The following HELQ variants were observed in gnomAD, a reference collection of about 807,000 sequenced individuals.
HELQ encodes helicase, POLQ like, also known as helicase POLQ-like.
In HELQ, 77 loss-of-function variants were observed where a neutral mutation model predicts 111.6. The observed-to-expected ratio is 0.69, with a 90% CI of 0.57 to 0.83. The LOEUF is 0.83. Ranked by LOEUF, HELQ falls within the 40% of genes least tolerant of loss-of-function variation. The probability of loss-of-function intolerance (pLI) is 0.00; values close to 1 mark genes in which losing one functional copy is unlikely to be tolerated. For synonymous variants in HELQ, 438 were observed against 454.7 expected, an observed-to-expected ratio of 0.96 and a Z score of 0.47; for missense variants, 1,200 against 1,288.5, an observed-to-expected ratio of 0.93 and a Z score of 1.05.
At position 83,407,366 on chromosome 4, in the gene HELQ, A is replaced by AT. The variant is rs878959447; in HGVS notation, c.*86dup. ...AGTTCTTAATGTATAACTGAAATGT[A>AT]TTTTTTCATTTATAAAGTATAAGTT... On this transcript the variant is annotated 3_prime_UTR_variant, in exon 18 of 18. Coordinates refer to ENST00000295488, the MANE Select transcript of HELQ (RefSeq NM_133636.5). The AT allele has an allele frequency of 6.3e-6, 5 of 789,180 alleles. No homozygotes were observed. Among genetic ancestry groups the AT allele is most frequent in the Non-Finnish European group, 1.0e-5 (5 of 502,246 alleles). The allele number at this position is 789,180 out of a possible 1,614,324, so 48.9% of individuals were successfully genotyped here.
chr4:83,431,825 T>A, intron 10 of HELQ, 57 bp from the exon 11 acceptor site: 1 of 693,568 alleles, frequency 1.4e-6, no homozygotes, highest in Non-Finnish European at 2.2e-6. Context: ...AAATGGTATT[T>A]AATATAAATA....
intron 3 of HELQ, 136 bp from the exon 4 acceptor site, chr4:83,447,171 G>C (rs1205063145): frequency 1.3e-5 from 8 of 604,276 alleles, no homozygotes; most frequent in African/African-American, 5.6e-5. Flanking sequence ...AACACAGTGA[G>C]ACCTCATCTC....
intron 13 of HELQ, among the ~76,000 whole-genome samples, chr4:83,426,316 G>A (rs1290188102): frequency 6.6e-6 from 1 of 151,872 alleles, no homozygotes; most frequent in Non-Finnish European, 1.5e-5. Context: ...TGGTTTCCAT[G>A]GACTATATGA....
rs747239755 is a variant in HELQ at position 83,455,470 on chromosome 4, A to G, written c.224T>C (p.Leu75Pro). 5 of 1,614,208 alleles carry G rather than the reference A, an allele frequency of 3.1e-6. No homozygotes were observed. The highest frequency in any genetic ancestry group is 4.2e-6 in the Non-Finnish European group (5 of 1,180,036). The stretch of plus-strand genomic sequence containing the variant: ...GTTTGTATCACCACCTCCAAGGACG[A>G]GACATTCCGGGGAATCTGAGAGTAG... ...PLLLSDSPEC[L>P]VLGGGDTNPD... is the part of the protein sequence containing the mutation. Residue 75 changes from leucine (L) to proline (P), a missense_variant, in exon 1 of 18, where the codon CTC becomes CCC. Coordinates refer to ENST00000295488, the MANE Select transcript of HELQ (RefSeq NM_133636.5).
chr4:83,421,655 CA>C lies in HELQ; in HGVS notation c.2856del (p.Val953TyrfsTer44). 1 of 1,613,200 alleles carries C rather than the reference CA, an allele frequency of 6.2e-7. No homozygotes were observed. Among genetic ancestry groups the C allele is most frequent in the Non-Finnish European group, 8.5e-7 (1 of 1,179,296 alleles). On this transcript the variant is annotated frameshift_variant, in exon 15 of 18. Transcript: ENST00000295488. LOFTEE classifies it high-confidence loss of function. ...CGAGGCATATTAAATTTTTCAGATA[CA>C]GTCCAAATGTTGGTCTCTTTGAGCA... ...YTLLKETNIW[T>X]VSEKFNMPRG...
chr4:83,429,798 C>T lies in HELQ; in HGVS notation c.2296-52G>A, dbSNP rs772887651. The T allele has an allele frequency of 5.4e-6, 6 of 1,102,310 alleles. No homozygotes were observed. In the Admixed American group the frequency reaches 1.3e-4, roughly 23 times the overall value. The allele number at this position is 1,102,310 out of a possible 1,614,324, so 68.3% of individuals were successfully genotyped here. On this transcript the variant is annotated intron_variant, in intron 11 of 17. Coordinates refer to ENST00000295488, the MANE Select transcript of HELQ (RefSeq NM_133636.5). ...GCATTTTCCTTAATTCAAGGCATCA[C>T]CTTGAATGCATATTAATCAAGATAA...
intron 5 of HELQ, among the ~76,000 whole-genome samples, chr4:83,444,980 T>A (rs571656305): frequency 6.6e-6 from 1 of 152,282 alleles, no homozygotes; most frequent in African/African-American, 2.4e-5. Flanking sequence ...TCTGTGGCAA[T>A]CCAGGTAGAA....
chr4:83,407,913 T>C (rs1738875697), intron 17 of HELQ, among the ~76,000 whole-genome samples: 2 of 152,236 alleles, frequency 1.3e-5, no homozygotes, highest in African/African-American at 4.8e-5. Flanking sequence ...TGAAAAATGT[T>C]ATCCTTTATA....
intron 2 of HELQ, among the ~76,000 whole-genome samples, chr4:83,449,481 A>C (rs1721232658): frequency 6.6e-6 from 1 of 152,254 alleles, no homozygotes; most frequent in Non-Finnish European, 1.5e-5. Flanking sequence ...GAATGGGTCC[A>C]AAACCATTTT....
chr4:83,440,898 A>C (rs1453927806), intron 7 of HELQ, among the ~76,000 whole-genome samples: 1 of 152,238 alleles, frequency 6.6e-6, no homozygotes, highest in Non-Finnish European at 1.5e-5. Context: ...TAAATAATAC[A>C]CATCAGTTGA....
chr4:83,433,535 A>G (rs1003401033), intron 9 of HELQ, among the ~76,000 whole-genome samples: 8 of 151,590 alleles, frequency 5.3e-5, no homozygotes, highest in South Asian at 2.1e-4. Context: ...TCGTGGTGGC[A>G]GGCGCCTGTA....
chr4:83,418,699 C>T (rs1739492006), intron 15 of HELQ, among the ~76,000 whole-genome samples: 1 of 152,234 alleles, frequency 6.6e-6, no homozygotes, highest in Non-Finnish European at 1.5e-5. Context: ...TAGATATTTG[C>T]AATATTCTAT....
chr4:83,422,057 C>CA (rs1472252176), intron 14 of HELQ, among the ~76,000 whole-genome samples: 2 of 151,502 alleles, frequency 1.3e-5, no homozygotes, highest in African/African-American at 2.4e-5. Flanking sequence ...TCCGTCTCCA[C>CA]AAAAAAACAA....
chr4:83,427,580 T>C lies in HELQ; in HGVS notation c.2659A>G (p.Met887Val). The C allele has an allele frequency of 1.3e-6, 2 of 1,563,452 alleles. No individual in the cohort carries two copies. Among genetic ancestry groups the C allele is most frequent in the Non-Finnish European group, 1.7e-6 (2 of 1,160,868 alleles). The change falls in exon 13 of 18, where the codon ATG becomes GTG. Residue 887 changes from methionine to valine, a missense_variant. This residue lies in a region of HELQ where 585 missense variants were observed against 665.3 expected (regional missense o/e 0.88). Coordinates refer to ENST00000295488, the MANE Select transcript of HELQ (RefSeq NM_133636.5). ...DLVSQCNPDWMIYFRQFSQLS... is the reference protein window; with the variant it reads ...DLVSQCNPDWVIYFRQFSQLS... ...ATTCTCACCTGCCTGAAGTATATCA[T>C]CCAATCAGGGTTACACTGTGAAACC...
chr4:83,447,859 C>CAAAAAAA (rs112143320), intron 3 of HELQ, among the ~76,000 whole-genome samples: 1 of 76,524 alleles, frequency 1.3e-5, no homozygotes, highest in African/African-American at 4.2e-5. Context: ...AAGACTGTCT[C>CAAAAAAA]AAAAAAAAAA....
chr4:83,451,778 G>C (rs1252291480), intron 2 of HELQ, among the ~76,000 whole-genome samples: 1 of 152,226 alleles, frequency 6.6e-6, no homozygotes, highest in Non-Finnish European at 1.5e-5. Context: ...CAGAAAAACA[G>C]AGGGAAGAAC....
chr4:83,433,394 G>A (rs984223222), intron 9 of HELQ, among the ~76,000 whole-genome samples: 8 of 152,100 alleles, frequency 5.3e-5, no homozygotes, highest in Non-Finnish European at 1.2e-4. Context: ...TTGGCGGGGC[G>A]TGGTGGCTCA....
intron 16 of HELQ, 145 bp from the exon 17 acceptor site, chr4:83,417,010 T>G: frequency 1.4e-6 from 1 of 714,870 alleles, no homozygotes; most frequent in Non-Finnish European, 2.2e-6. Context: ...ATGAGAATAC[T>G]GAGGAATTTT....
At chr4:83,427,188 A>G (rs545806573) in intron 13 of HELQ, among the ~76,000 whole-genome samples, 1 of 152,172 alleles carries the variant, frequency 6.6e-6, no homozygotes, top group East Asian at 1.9e-4. Flanking sequence ...CTTTTTTTTA[A>G]CCTTTACTTT....
Sources: allele counts gnomAD v4.1 joint callset (sites outside exome capture counted in the v4.1 genomes callset), GRCh38; gene constraint gnomAD v4.1.1; regional missense constraint gnomAD v4.1.1; transcripts MANE v1.5; gene names NCBI Gene and HGNC (gene_info 2026-07-23, HGNC 2026-07-21).